Variants in ASAP2 observed in about 807,000 individuals in gnomAD.
ASAP2 encodes the protein arf-GAP with SH3 domain, ANK repeat and PH domain-containing protein 2.
ASAP2 carries 45 observed loss-of-function variants against 131.4 expected under a neutral mutation model. That is an observed-to-expected ratio of 0.34 (90% CI 0.27 to 0.44). ASAP2 has a LOEUF of 0.44. Ranked by LOEUF, ASAP2 falls within the 20% of genes least tolerant of loss-of-function variation. ASAP2 has a pLI of 1.00. For synonymous variants in ASAP2, 510 were observed against 503.0 expected, an observed-to-expected ratio of 1.01 and a Z score of -0.19; for missense variants, 1,011 against 1,297.0, an observed-to-expected ratio of 0.78 and a Z score of 3.39.
intron 24 of ASAP2, 77 bp from the exon 25 acceptor site, chr2:9,399,946 T>C (rs1167739887): frequency 1.3e-5 from 19 of 1,447,190 alleles, no homozygotes; most frequent in Non-Finnish European, 1.8e-5. Context: ...ACTCAGAAGG[T>C]TCTCTGATAA....
At chr2:9,317,940 C>G (rs768736235) in intron 3 of ASAP2, among the ~76,000 whole-genome samples, 5 of 152,220 alleles carry the variant, frequency 3.3e-5, no homozygotes, top group Non-Finnish European at 7.3e-5. Flanking sequence ...CCTTTACACA[C>G]CCACAACACC....
At chr2:9,235,836 G>A (rs1004664784) in intron 1 of ASAP2, among the ~76,000 whole-genome samples, 11 of 152,142 alleles carry the variant, frequency 7.2e-5, no homozygotes, top group African/African-American at 2.7e-4. Flanking sequence ...GGATGCAGCC[G>A]GCAATGCCTT....
chr2:9,297,539 G>A lies in ASAP2; in HGVS notation c.345+94G>A. The A allele has an allele frequency of 6.4e-6, 9 of 1,413,652 alleles. No homozygotes were observed. The South Asian group carries it at 8.9e-5, about 14-fold the overall frequency. The allele number at this position is 1,413,652 out of a possible 1,614,324, so 87.6% of individuals were successfully genotyped here. The stretch of plus-strand genomic sequence containing the variant: ...ATGGTTTGTTTGATAAACTAGGAAT[G>A]CATTTCATAGTTCCTTGGGTACCCA... On this transcript the variant is annotated intron_variant, in intron 3 of 27. Coordinates refer to ENST00000281419, the MANE Select transcript of ASAP2 (RefSeq NM_003887.3).
At chr2:9,335,682 C>T (rs1558342203) in intron 9 of ASAP2, among the ~76,000 whole-genome samples, 1 of 152,226 alleles carries the variant, frequency 6.6e-6, no homozygotes, top group Admixed American at 6.5e-5. Context: ...AGTTCTCTTA[C>T]TTCCCCTCTT....
chr2:9,273,642 G>T (rs1666561499), intron 1 of ASAP2, among the ~76,000 whole-genome samples: 1 of 152,198 alleles, frequency 6.6e-6, no homozygotes, highest in African/African-American at 2.4e-5. Flanking sequence ...TGGGAGTGCT[G>T]ATTGGTTGGG....
chr2:9,270,549 A>G (rs1468082735), intron 1 of ASAP2, among the ~76,000 whole-genome samples: 3 of 152,040 alleles, frequency 2.0e-5, no homozygotes, highest in Admixed American at 6.6e-5. Flanking sequence ...CATCACCTCA[A>G]AGCATTTAGC....
rs4507066 is a variant in ASAP2 at position 9,268,003 on chromosome 2, T to G, written c.127-11314T>G. The stretch of plus-strand genomic sequence containing the variant: ...TCCCATCGTAACGCCCTCAGAAGCT[T>G]CCCCTGCCCTGACTGCAGCCCTCAG... On this transcript the variant is annotated intron_variant, in intron 1 of 27. Transcript: ENST00000281419. The surrounding 1 kb of genome is among the most constrained non-coding windows in gnomAD (Gnocchi z 4.1). Among the ~76,000 whole-genome samples, 85,212 of 151,714 alleles carry G rather than the reference T, an allele frequency of 0.56. 25,534 individuals carry two copies. Among genetic ancestry groups the G allele is most frequent in the African/African-American group, 0.79 (32,542 of 41,378 alleles).
intron 11 of ASAP2, among the ~76,000 whole-genome samples, chr2:9,346,194 G>T (rs1671951660): frequency 1.3e-5 from 2 of 152,108 alleles, no homozygotes; most frequent in Non-Finnish European, 2.9e-5. Flanking sequence ...TAGGGAGGCC[G>T]AGGCGGGCAG....
chr2:9,309,036 C>T (rs917512049), intron 3 of ASAP2, among the ~76,000 whole-genome samples: 1 of 152,166 alleles, frequency 6.6e-6, no homozygotes, highest in Non-Finnish European at 1.5e-5. Context: ...GTTAGAGTCC[C>T]GTTGGCCCAG....
rs1675183827 is a variant in ASAP2 at position 9,385,314 on chromosome 2, G to A, written c.2086G>A (p.Glu696Lys). The stretch of plus-strand genomic sequence containing the variant: ...TGAATATGAATGGCGACTACTCCAC[G>A]AAGACCTGGATGAAAGTGATGACGA... ...HVEYEWRLLH[E>K]DLDESDDDMD... Residue 696 changes from glutamate (E) to lysine (K), a missense_variant, in exon 21 of 28, where the codon GAA becomes AAA. Around this residue, in one of 2 missense-constraint regions of ASAP2, gnomAD observed 652 missense variants for 698.9 expected, o/e 0.93. Coordinates refer to ENST00000281419, the MANE Select transcript of ASAP2 (RefSeq NM_003887.3). 3.7e-6 allele frequency: 6 copies of A among 1,614,192 alleles called. No homozygotes were observed. Among genetic ancestry groups the A allele is most frequent in the Admixed American group, 3.3e-5 (2 of 60,024 alleles).
At chr2:9,345,002 TTA>T (rs1259735650) in intron 11 of ASAP2, among the ~76,000 whole-genome samples, 1 of 151,348 alleles carries the variant, frequency 6.6e-6, no homozygotes, top group Admixed American at 6.6e-5. Flanking sequence ...TTTTTTTTTT[TTA>T]ATTTTAATTT....
intron 18 of ASAP2, 77 bp from the exon 19 acceptor site, chr2:9,378,867 A>G: frequency 9.4e-7 from 1 of 1,064,846 alleles, no homozygotes; most frequent in Non-Finnish European, 1.2e-6. Context: ...CCCGTAGCCC[A>G]GGCTCCCTGC....
In ASAP2 at chr2:9,259,842, C is replaced by G. The variant is rs185973526; in HGVS notation, c.127-19475C>G. Among the ~76,000 whole-genome samples, 18 of 152,360 alleles carry G rather than the reference C, an allele frequency of 1.2e-4. No individual in the cohort carries two copies. In the East Asian group the frequency reaches 3.1e-3, roughly 26 times the overall value. On this transcript the variant is annotated intron_variant, in intron 1 of 27. Coordinates refer to ENST00000281419, the MANE Select transcript of ASAP2 (RefSeq NM_003887.3). The stretch of plus-strand genomic sequence containing the variant: ...ATGGAGGCCGATGCTAAATGCCCCC[C>G]ATGTCTCCTCAGCTCCCTTGCACCC...
At chr2:9,270,784 C>CCTTTTTTTTTTTTTTTT (rs1666294703) in intron 1 of ASAP2, among the ~76,000 whole-genome samples, 1 of 69,740 alleles carries the variant, frequency 1.4e-5, no homozygotes, top group Non-Finnish European at 3.1e-5. Flanking sequence ...CAATTGTTTT[C>CCTTTTTTTTTTTTTTTT]ATTTTTTTTT....
chr2:9,373,624 C>T (rs1674157417), intron 16 of ASAP2, among the ~76,000 whole-genome samples: 1 of 152,244 alleles, frequency 6.6e-6, no homozygotes, highest in South Asian at 2.1e-4. Context: ...ACAACTGCTC[C>T]AGCAGCCATG....
intron 1 of ASAP2, among the ~76,000 whole-genome samples, chr2:9,254,308 T>C (rs1315915672): frequency 7.1e-6 from 1 of 141,280 alleles, no homozygotes; most frequent in South Asian, 2.2e-4. Context: ...ATTCTATTAG[T>C]CATTGTTGTT....
intron 3 of ASAP2, among the ~76,000 whole-genome samples, chr2:9,300,517 C>G (rs1020216593): frequency 6.6e-6 from 1 of 152,228 alleles, no homozygotes; most frequent in African/African-American, 2.4e-5. Context: ...CACTGCAGGT[C>G]CTAGTTGCTG....
At chr2:9,273,400 G>A (rs1474939514) in intron 1 of ASAP2, among the ~76,000 whole-genome samples, 1 of 152,134 alleles carries the variant, frequency 6.6e-6, no homozygotes, top group African/African-American at 2.4e-5. Context: ...TTTGTATCCT[G>A]CAACTTTACT....
intron 9 of ASAP2, among the ~76,000 whole-genome samples, chr2:9,340,139 C>T (rs565671163): frequency 2.0e-5 from 3 of 152,336 alleles, no homozygotes; most frequent in Non-Finnish European, 4.4e-5. Flanking sequence ...TCTTCTGTCT[C>T]AGCCTCCCAA....
Sources: gnomAD v4.1 joint callset for allele counts (sites outside exome capture counted in the v4.1 genomes callset) on GRCh38, gnomAD v4.1.1 for gene constraint, gnomAD v4.1.1 regional missense constraint, Gnocchi (gnomAD v3.1) non-coding constraint, MANE v1.5 for transcripts, NCBI Gene and HGNC (gene_info 2026-07-23, HGNC 2026-07-21) for gene names.